The following PER1 variants were observed in gnomAD, a reference collection of about 807,000 sequenced individuals.
The protein encoded by PER1 is period circadian regulator 1.
PER1 carries 87 observed loss-of-function variants against 125.9 expected under a neutral mutation model. That is an observed-to-expected ratio of 0.69 (90% CI 0.58 to 0.83). The LOEUF (loss-of-function observed/expected upper bound fraction) is 0.83, where lower values mean the gene tolerates loss of function less well. Ranked by LOEUF, PER1 falls within the 40% of genes least tolerant of loss-of-function variation. PER1 has a pLI of 0.00. For synonymous variants in PER1, 801 were observed against 714.7 expected (o/e 1.12, Z -1.93); for missense variants, 1,775 against 1,722.8 (o/e 1.03, Z -0.54).
chr17:8,140,748 T>C lies in PER1; in HGVS notation c.*320A>G, dbSNP rs1982030215. The C allele has an allele frequency of 3.2e-6, 1 of 314,660 alleles. No individual in the cohort carries two copies. Among genetic ancestry groups the C allele is most frequent in the African/African-American group, 2.1e-5 (1 of 48,738 alleles). The allele number at this position is 314,660 out of a possible 1,614,324, so 19.5% of individuals were successfully genotyped here. A position where few individuals can be genotyped will look rare whatever the true frequency, so the allele number is the denominator to read the frequency against. ...TAAGTGCAGCCCCAACCCTCAAGAG[T>C]CAGATTCAGGCTCAGCTGGAATATG... On this transcript the variant is annotated 3_prime_UTR_variant, in exon 23 of 23. Coordinates refer to ENST00000317276, the MANE Select transcript of PER1 (RefSeq NM_002616.3).
chr17:8,147,188 C>A, intron 13 of PER1, 62 bp downstream of exon 13: 1 of 1,547,696 alleles, frequency 6.5e-7, no homozygotes, highest in Non-Finnish European at 8.7e-7. Flanking sequence ...ACTGGCAGTG[C>A]TGGTTCCAAG....
chr17:8,149,288 G>T lies in PER1; in HGVS notation c.876C>A (p.Thr292=), dbSNP rs1379610189. The part of the protein sequence containing the change: ...ASAGSGLRDF[T]QEKSVFCRIR... ...TACGGCAGAAGACGGACTTCTCCTG[G>T]GTAAAGTCCCTGAGGCCTGAACCTG... The change falls in exon 7 of 23, where the codon ACC becomes ACA. Residue 292 remains threonine, a synonymous_variant. Transcript: ENST00000317276. 6.2e-7 allele frequency: 1 copy of T among 1,613,954 alleles called. No homozygotes were observed. The highest frequency in any genetic ancestry group is 1.7e-5 in the Admixed American group (1 of 60,014).
Position 8,146,956 on chromosome 17 carries a change from T to C in PER1, c.1676A>G (p.Gln559Arg). Residue 559 changes from glutamine (Q) to arginine (R), a missense_variant, in exon 14 of 23, where the codon CAG becomes CGG. Coordinates refer to ENST00000317276, the MANE Select transcript of PER1 (RefSeq NM_002616.3). ...ICKDVHLVKH[Q>R]GQQLFIESRA... The stretch of plus-strand genomic sequence containing the variant: ...AGACTCAATAAAAAGCTGCTGGCCC[T>C]GGTGCTTCACCAGATGCACATCCTT... 1.9e-6 allele frequency: 3 copies of C among 1,614,054 alleles called. No individual in the cohort carries two copies. Among genetic ancestry groups the C allele is most frequent in the Non-Finnish European group, 2.5e-6 (3 of 1,179,990 alleles).
intron 3 of PER1, 35 bp downstream of exon 3, chr17:8,150,184 C>A (rs765212773): frequency 6.4e-5 from 102 of 1,599,642 alleles, no homozygotes; most frequent in Non-Finnish European, 8.0e-5. Context: ...GTGGCCTGGG[C>A]CCCCAGACCT....
Position 8,142,409 on chromosome 17 carries a change from A to G in PER1, c.3309T>C (p.Ser1103=). 6.2e-7 allele frequency: 1 copy of G among 1,608,394 alleles called. No homozygotes were observed. Among genetic ancestry groups the G allele is most frequent in the South Asian group, 1.1e-5 (1 of 90,322 alleles). Residue 1103 remains serine, a synonymous_variant, in exon 21 of 23, where the codon TCT becomes TCC. Coordinates refer to ENST00000317276, the MANE Select transcript of PER1 (RefSeq NM_002616.3). ...GAGCAGCCCCAGCCTCAGCCTCGGA[A>G]GAGTCGATGCTGCCAAAGTATTTGC... ...HTSKYFGSID[S]SEAEAGAARG... is the part of the protein sequence containing the mutation.
chr17:8,142,746 G>A lies in PER1; in HGVS notation c.3162C>T (p.Gly1054=). ...AGGAGCCCGAGGCTGCGGAGCCTGT[G>A]CCGGAGCGCGAGTCCTCTTGCAGCA... ...ELLLQEDSRS[G]TGSAASGSLG... Residue 1054 remains glycine (G), a synonymous_variant, in exon 20 of 23, where the codon GGC becomes GGT. Coordinates refer to ENST00000317276, the MANE Select transcript of PER1 (RefSeq NM_002616.3). The A allele has an allele frequency of 6.2e-7, 1 of 1,613,916 alleles. No individual in the cohort carries two copies. The highest frequency in any genetic ancestry group is 8.5e-7 in the Non-Finnish European group (1 of 1,179,968).
In PER1 at chr17:8,142,847, G is replaced by GA; in HGVS notation, c.3073-13dup. 1 of 1,580,178 alleles carries GA rather than the reference G, an allele frequency of 6.3e-7. No individual in the cohort carries two copies. Among genetic ancestry groups the GA allele is most frequent in the Non-Finnish European group, 8.6e-7 (1 of 1,166,120 alleles). Reference sequence around the variant, plus strand: ...TCAGTGACCTCCGCCTGGAGGAGGGGAGGGGGGCAAGGAGGGATGGAGGGG... The same window carrying GA: ...TCAGTGACCTCCGCCTGGAGGAGGGGAAGGGGGGCAAGGAGGGATGGAGGGG... On this transcript the variant is annotated splice_polypyrimidine_tract_variant and intron_variant, in intron 19 of 22. Coordinates refer to ENST00000317276, the MANE Select transcript of PER1 (RefSeq NM_002616.3).
rs1598257452 is a variant in PER1 at position 8,149,975 on chromosome 17, C to T, written c.525G>A (p.Val175=). The stretch of plus-strand genomic sequence containing the variant: ...CTCTTGGGACACACCACTTACCCTG[C>T]ACCTGCTTGACACAGGCCAGTGCGT... ...LQYALACVKQ[V]QANQEYYQQW... The change falls in exon 4 of 23, where the codon GTG becomes GTA. Residue 175 remains valine (V), a synonymous_variant. Transcript: ENST00000317276. The T allele has an allele frequency of 6.2e-7, 1 of 1,613,474 alleles. No homozygotes were observed. The highest frequency in any genetic ancestry group is 8.5e-7 in the Non-Finnish European group (1 of 1,179,432).
In PER1 at chr17:8,147,657, G is replaced by C. The variant is rs752120005; in HGVS notation, c.1388+17C>G. 1 of 1,613,882 alleles carries C rather than the reference G, an allele frequency of 6.2e-7. No individual in the cohort carries two copies. Among genetic ancestry groups the C allele is most frequent in the South Asian group, 1.1e-5 (1 of 91,084 alleles). On this transcript the variant is annotated intron_variant, in intron 11 of 22. Coordinates refer to ENST00000317276, the MANE Select transcript of PER1 (RefSeq NM_002616.3). ...TGCCCTATCCCCAACGCCAGCTCGG[G>C]GGCATGGCCCACTTACGTGCGTACT...
rs750653188 is a variant in PER1 at position 8,148,053 on chromosome 17, A to G, written c.1178T>C (p.Val393Ala). The G allele has an allele frequency of 6.2e-7, 1 of 1,612,842 alleles. No homozygotes were observed. Among genetic ancestry groups the G allele is most frequent in the South Asian group, 1.1e-5 (1 of 91,010 alleles). Residue 393 changes from valine to alanine, a missense_variant, in exon 10 of 23, where the codon GTG (valine) becomes GCG (alanine). Val to Ala is a moderately conservative substitution (Grantham distance 64). Coordinates refer to ENST00000317276, the MANE Select transcript of PER1 (RefSeq NM_002616.3). ...GTCCTCAGGATGCAGGAACAGGAGC[A>G]CTGGGGCCCCCAGGAGGTCCTGGGG... ...YLPQDLLGAP[V>A]LLFLHPEDRP...
chr17:8,141,669 G>C (rs1277949104), intron 22 of PER1, 136 bp downstream of exon 22: 1 of 1,194,664 alleles, frequency 8.4e-7, no homozygotes, highest in African/African-American at 1.6e-5. Context: ...ACATCAAGGA[G>C]ATCAGCTCTT....
At position 8,140,795 on chromosome 17, in the gene PER1, G is replaced by C; in HGVS notation, c.*273C>G. ...TATGGAGAGGCCACTTCAGCAGCTT[G>C]TCAGCAACTTTGTCCAGGGGAGGGA... On this transcript the variant is annotated 3_prime_UTR_variant, in exon 23 of 23. Coordinates refer to ENST00000317276, the MANE Select transcript of PER1 (RefSeq NM_002616.3). 4.7e-6 allele frequency: 2 copies of C among 425,974 alleles called. No individual in the cohort carries two copies. The highest frequency in any genetic ancestry group is 8.6e-6 in the Non-Finnish European group (2 of 233,366). 26.4% of individuals were successfully genotyped at this position (425,974 alleles called of 1,614,324 possible).
Position 8,145,204 on chromosome 17 carries a change from C to T in PER1, c.2219-211G>A, listed in dbSNP as rs149067013. ...TGCAAAGCTGGCCCAGAAGAAGAGA[C>T]GATACTCAGGCCCCTCCAGTGGCCA... On this transcript the variant is annotated intron_variant, in intron 17 of 22. Coordinates refer to ENST00000317276, the MANE Select transcript of PER1 (RefSeq NM_002616.3). 1.2e-3 allele frequency: 512 copies of T among 414,716 alleles called. 11 individuals carry two copies. In the East Asian group the frequency reaches 0.018, roughly 15 times the overall value. The allele number at this position is 414,716 out of a possible 1,614,324, so 25.7% of individuals were successfully genotyped here.
At position 8,141,260 on chromosome 17, in the gene PER1, C is replaced by T. The variant is rs753509807; in HGVS notation, c.3681G>A (p.Gly1227=). ...DPLFSELDGL[G]LEPMEEGGGE... ...CTCCACCCTCTTCCATGGGCTCCAG[C>T]CCCAGTCCATCCAGCTCTGAGAAGA... Residue 1227 remains glycine, a synonymous_variant, in exon 23 of 23, where the codon GGG becomes GGA. Transcript: ENST00000317276. 2 of 1,614,178 alleles carry T rather than the reference C, an allele frequency of 1.2e-6. No homozygotes were observed. Among genetic ancestry groups the T allele is most frequent in the East Asian group, 2.2e-5 (1 of 44,890 alleles).
In PER1 at chr17:8,141,256, C is replaced by T; in HGVS notation, c.3685G>A (p.Glu1229Lys). ...LFSELDGLGL[E>K]PMEEGGGEQG... is the part of the protein sequence containing the mutation. ...TCGCCTCCACCCTCTTCCATGGGCTCCAGCCCCAGTCCATCCAGCTCTGAG... is the reference window on the plus strand; with the variant it reads ...TCGCCTCCACCCTCTTCCATGGGCTTCAGCCCCAGTCCATCCAGCTCTGAG... Residue 1229 changes from glutamate (E) to lysine (K), a missense_variant, in exon 23 of 23, where the codon GAG (glutamate) becomes AAG (lysine). Glu to Lys is a moderately conservative substitution (Grantham distance 56). Transcript: ENST00000317276. 2 of 1,614,186 alleles carry T rather than the reference C, an allele frequency of 1.2e-6. No individual in the cohort carries two copies. Among genetic ancestry groups the T allele is most frequent in the Non-Finnish European group, 1.7e-6 (2 of 1,180,034 alleles).
At chr17:8,146,524 G>T in intron 15 of PER1, 22 bp from the exon 16 acceptor site, 3 of 1,609,302 alleles carry the variant, frequency 1.9e-6, no homozygotes, top group Non-Finnish European at 2.5e-6. Context: ...CACAGCACAG[G>T]GCATCAGAGC....
Position 8,146,438 on chromosome 17 carries a change from T to C in PER1, c.1972A>G (p.Thr658Ala), listed in dbSNP as rs769203064. 6.2e-7 allele frequency: 1 copy of C among 1,613,186 alleles called. No individual in the cohort carries two copies. Among genetic ancestry groups the C allele is most frequent in the Non-Finnish European group, 8.5e-7 (1 of 1,179,718 alleles). Residue 658 changes from threonine to alanine, a missense_variant, in exon 16 of 23, where the codon ACC (threonine) becomes GCC (alanine). Coordinates refer to ENST00000317276, the MANE Select transcript of PER1 (RefSeq NM_002616.3). Reference protein sequence around the residue: ...KRKCASSSSYTTSSASDDDRQ... With the variant: ...KRKCASSSSYATSSASDDDRQ... The stretch of plus-strand genomic sequence containing the variant: ...TCGTCGTCAGAGGCTGAGGAGGTGG[T>C]ATAGGAGGAGGAGGAGGCACATTTA...
chr17:8,149,099 G>C (rs891997051), intron 7 of PER1, 160 bp downstream of exon 7: 1 of 697,032 alleles, frequency 1.4e-6, no homozygotes, highest in Non-Finnish European at 2.5e-6. Context: ...TGAGGCAGGA[G>C]AATCGCTTGA....
intron 10 of PER1, 44 bp downstream of exon 10, chr17:8,147,953 A>G: frequency 6.3e-7 from 1 of 1,589,572 alleles, no homozygotes; most frequent in Non-Finnish European, 8.6e-7. Flanking sequence ...GCCACTCAAA[A>G]GCCCAGGACA....
Sources: gnomAD v4.1 joint callset for allele counts on GRCh38, gnomAD v4.1.1 for gene constraint, MANE v1.5 for transcripts, NCBI Gene and HGNC (gene_info 2026-07-23, HGNC 2026-07-21) for gene names.